Variants in CAMK1 observed in about 807,000 individuals in gnomAD.
The protein encoded by CAMK1 is calcium/calmodulin-dependent protein kinase type 1.
Under a neutral mutation model 49.1 loss-of-function variants are expected in CAMK1, and 39 were observed. That is an observed-to-expected ratio of 0.79 (90% CI 0.62 to 1.04). The LOEUF (loss-of-function observed/expected upper bound fraction) is 1.04, where lower values mean the gene tolerates loss of function less well. CAMK1 is among the 50% of genes least tolerant of loss of function. The probability of loss-of-function intolerance (pLI) is 0.00; values close to 1 mark genes in which losing one functional copy is unlikely to be tolerated. For missense variants in CAMK1, 457 were observed against 472.2 expected (o/e 0.97, Z 0.30); for synonymous variants, 192 against 185.2 (o/e 1.04, Z -0.30).
In CAMK1 at chr3:9,757,525, C is replaced by G. The variant is rs757388506; in HGVS notation, c.*14G>C. Reference sequence around the variant, plus strand: ...CCCTCCCACGCAGAGGATCATGACCCGAGGTCCAGGGCCCTAGAGCTGGTG... The same window carrying G: ...CCCTCCCACGCAGAGGATCATGACCGGAGGTCCAGGGCCCTAGAGCTGGTG... On this transcript the variant is annotated 3_prime_UTR_variant, in exon 12 of 12. Coordinates refer to ENST00000256460, the MANE Select transcript of CAMK1 (RefSeq NM_003656.5). The surrounding 1 kb of genome is among the most constrained non-coding windows in gnomAD (Gnocchi z 4.5). The G allele has an allele frequency of 1.4e-5, 23 of 1,609,470 alleles. No individual in the cohort carries two copies. The South Asian group carries it at 1.5e-4, about 11-fold the overall frequency.
rs1272878847 is a variant in CAMK1, at chr3:9,765,241, A to C, written c.215+518T>G. Among the ~76,000 whole-genome samples the C allele has an allele frequency of 2.6e-5, 4 of 151,998 alleles. No individual in the cohort carries two copies. The East Asian group carries it at 7.8e-4, about 30-fold the overall frequency. Reference sequence around the variant, plus strand: ...GACTCCATCTCAAAAAAAAAAAAAAAATTATCTGCCCAGGGTGGTTGGAAG... The same window carrying C: ...GACTCCATCTCAAAAAAAAAAAAAACATTATCTGCCCAGGGTGGTTGGAAG... On this transcript the variant is annotated intron_variant, in intron 3 of 11. Transcript: ENST00000256460.
intron 3 of CAMK1, among the ~76,000 whole-genome samples, chr3:9,764,997 C>T (rs962350294): frequency 6.6e-6 from 1 of 151,746 alleles, no homozygotes; most frequent in Non-Finnish European, 1.5e-5. Flanking sequence ...GAGGCCGAGG[C>T]GGGTGGATCA....
chr3:9,759,799 G>C, intron 8 of CAMK1, 49 bp from the exon 9 acceptor site: 1 of 1,613,904 alleles, frequency 6.2e-7, no homozygotes, highest in Non-Finnish European at 8.5e-7. Context: ...GGTACTGCCT[G>C]TGTACTCCCC....
intron 10 of CAMK1, 140 bp downstream of exon 10, chr3:9,759,348 T>G: frequency 6.5e-7 from 1 of 1,548,534 alleles, no homozygotes; most frequent in Non-Finnish European, 8.9e-7. Context: ...AAAGAGTGAA[T>G]GAATGAAGTC....
chr3:9,768,559 C>T (rs562352134), intron 1 of CAMK1, among the ~76,000 whole-genome samples: 23 of 152,316 alleles, frequency 1.5e-4, no homozygotes, highest in African/African-American at 5.5e-4. Flanking sequence ...GAGGCTGGCT[C>T]CAGAGGCCCT....
At chr3:9,768,577 C>T (rs1030320138) in intron 1 of CAMK1, among the ~76,000 whole-genome samples, 1 of 152,208 alleles carries the variant, frequency 6.6e-6, no homozygotes, top group South Asian at 2.1e-4. Context: ...CCTAATGACA[C>T]CTGGCCTGGG....
chr3:9,761,468 A>T lies in CAMK1; in HGVS notation c.625T>A (p.Tyr209Asn), dbSNP rs1323708723. Residue 209 changes from tyrosine to asparagine, a missense_variant, in exon 7 of 12, where the codon TAC (tyrosine) becomes AAC (asparagine). Coordinates refer to ENST00000256460, the MANE Select transcript of CAMK1 (RefSeq NM_003656.5). Reference sequence around the variant, plus strand: ...TGGCCAAGCCCCACTTACAAGATGTAGGCGATGACACCTATGGACCAGCAA... The same window carrying T: ...TGGCCAAGCCCCACTTACAAGATGTTGGCGATGACACCTATGGACCAGCAA... ...VDCWSIGVIA[Y>N]ILLCGYPPFY... is the part of the protein sequence containing the mutation. The T allele has an allele frequency of 6.2e-7, 1 of 1,611,444 alleles. No individual in the cohort carries two copies. Among genetic ancestry groups the T allele is most frequent in the Non-Finnish European group, 8.5e-7 (1 of 1,178,596 alleles).
At chr3:9,765,226 CAA>C (rs71049801) in intron 3 of CAMK1, among the ~76,000 whole-genome samples, 14 of 116,434 alleles carry the variant, frequency 1.2e-4, no homozygotes, top group African/African-American at 1.3e-4. Flanking sequence ...GACTCCATCT[CAA>C]AAAAAAAAAA....
intron 3 of CAMK1, 88 bp downstream of exon 3, chr3:9,765,671 A>T: frequency 6.8e-7 from 1 of 1,461,884 alleles, no homozygotes; most frequent in Non-Finnish European, 9.4e-7. Flanking sequence ...TAGAGAGTTT[A>T]AATGATTTGT....
In CAMK1 at chr3:9,757,560, G is replaced by A. The variant is rs759183025; in HGVS notation, c.1092C>T (p.Pro364=). Residue 364 remains proline (P), a synonymous_variant, in exon 12 of 12, where the codon CCC becomes CCT. Transcript: ENST00000256460. The surrounding 1 kb of genome is among the most constrained non-coding windows in gnomAD (Gnocchi z 4.5). ...GGCCCTAGAGCTGGTGGGGCAGTGT[G>A]GGGGACAGTTCTGTGCCCGGCTCCA... ...CCVEPGTELS[P]TLPHQL 2 of 1,614,018 alleles carry A rather than the reference G, an allele frequency of 1.2e-6. No homozygotes were observed. The highest frequency in any genetic ancestry group is 1.3e-5 in the African/African-American group (1 of 75,046).
intron 2 of CAMK1, chr3:9,766,263 C>G (rs934712183): frequency 4.3e-6 from 3 of 705,852 alleles, no homozygotes; most frequent in African/African-American, 1.7e-5. Flanking sequence ...GAGAAATGGC[C>G]AAATATATTT....
At chr3:9,761,782 G>T (rs2077888330) in intron 5 of CAMK1, 25 bp from the exon 6 acceptor site, 6 of 1,613,282 alleles carry the variant, frequency 3.7e-6, no homozygotes, top group Non-Finnish European at 3.4e-6. Flanking sequence ...GGGAAGAGAA[G>T]GGGCAATCAG....
In CAMK1 at chr3:9,761,462, A is replaced by G. The variant is rs1327064915; in HGVS notation, c.631T>C (p.Leu211=). ...CWSIGVIAYI[L]LCGYPPFYDE... is the part of the protein sequence containing the mutation. ...CTACCATGGCCAAGCCCCACTTACA[A>G]GATGTAGGCGATGACACCTATGGAC... Residue 211 remains leucine (L), a splice_region_variant and synonymous_variant, in exon 7 of 12, where the codon TTG becomes CTG. Transcript: ENST00000256460. 3 of 1,609,948 alleles carry G rather than the reference A, an allele frequency of 1.9e-6. No homozygotes were observed. The highest frequency in any genetic ancestry group is 1.3e-5 in the African/African-American group (1 of 74,820).
chr3:9,757,959 G>A lies in CAMK1; in HGVS notation c.913-113C>T. ...ATTGTTCTGTTATTTTCATTCAGGA[G>A]TTATTTTATTAATTCCCCTAAAGCC... On this transcript the variant is annotated intron_variant, in intron 10 of 11. Transcript: ENST00000256460. This position sits in a 1 kb window ranked among gnomAD's most constrained non-coding sequence, Gnocchi z 4.5. 2.0e-6 allele frequency: 3 copies of A among 1,482,590 alleles called. No homozygotes were observed. Among genetic ancestry groups the A allele is most frequent in the Non-Finnish European group, 1.8e-6 (2 of 1,115,516 alleles). The allele number at this position is 1,482,590 out of a possible 1,614,324, so 91.8% of individuals were successfully genotyped here.
chr3:9,762,600 G>C (rs1354882460), intron 5 of CAMK1, among the ~76,000 whole-genome samples: 1 of 151,964 alleles, frequency 6.6e-6, no homozygotes, highest in African/African-American at 2.4e-5. Context: ...ACTGACCTCA[G>C]GTGATCCACC....
At chr3:9,764,633 T>G (rs1298617111) in intron 3 of CAMK1, among the ~76,000 whole-genome samples, 4 of 147,468 alleles carry the variant, frequency 2.7e-5, no homozygotes, top group South Asian at 2.2e-4. Context: ...TTTTTGTTTT[T>G]TTTTTTTTTT....
chr3:9,758,014 A>G, intron 10 of CAMK1, 168 bp from the exon 11 acceptor site: 2 of 1,013,944 alleles, frequency 2.0e-6, no homozygotes. Context: ...GCTTTATTAT[A>G]TATTTACACA....
At chr3:9,759,411 C>T in intron 10 of CAMK1, 77 bp downstream of exon 10, 4 of 1,594,168 alleles carry the variant, frequency 2.5e-6, no homozygotes, top group South Asian at 1.1e-5. Context: ...ATGCCAGGTG[C>T]TGTGCAAGCT....
intron 8 of CAMK1, chr3:9,760,311 G>A (rs751976674): frequency 2.1e-5 from 5 of 242,286 alleles, no homozygotes; most frequent in Non-Finnish European, 4.1e-5. Context: ...GATGATAAAC[G>A]ATAGTAGCTT....
Sources: allele counts gnomAD v4.1 joint callset (sites outside exome capture counted in the v4.1 genomes callset), GRCh38; gene constraint gnomAD v4.1.1; non-coding constraint Gnocchi (gnomAD v3.1); transcripts MANE v1.5; gene names NCBI Gene and HGNC (gene_info 2026-07-23, HGNC 2026-07-21).